Variants in IMMP2L observed in about 807,000 individuals in gnomAD.
IMMP2L encodes inner mitochondrial membrane peptidase subunit 2.
IMMP2L carries 18 observed loss-of-function variants against 19.3 expected under a neutral mutation model. The ratio of observed to expected loss-of-function variants is 0.93; its 90% confidence interval spans 0.64 to 1.38. The LOEUF (loss-of-function observed/expected upper bound fraction) is 1.38, where lower values mean the gene tolerates loss of function less well. Ranked by LOEUF, IMMP2L falls within the 40% of genes most tolerant of loss-of-function variation. IMMP2L has a pLI of 0.00. For synonymous variants in IMMP2L, 76 were observed against 73.0 expected, an observed-to-expected ratio of 1.04 and a Z score of -0.21; for missense variants, 233 against 218.2, an observed-to-expected ratio of 1.07 and a Z score of -0.43.
At chr7:110,947,530 A>G (rs1817383805) in intron 4 of IMMP2L, among the ~76,000 whole-genome samples, 1 of 152,144 alleles carries the variant, frequency 6.6e-6, no homozygotes, top group African/African-American at 2.4e-5. Context: ...ACCAAATTCT[A>G]ATCTGTTCAT....
intron 3 of IMMP2L, among the ~76,000 whole-genome samples, chr7:111,287,734 T>C (rs1186954793): frequency 6.6e-6 from 1 of 152,100 alleles, no homozygotes; most frequent in Non-Finnish European, 1.5e-5. Flanking sequence ...ATAAAAAATG[T>C]ATATAAGTCT....
rs901981496 is a variant in IMMP2L at position 110,877,039 on chromosome 7, A to G, written c.408+9554T>C. On this transcript the variant is annotated intron_variant, in intron 5 of 5. Transcript: ENST00000405709. This position sits in a 1 kb window ranked among gnomAD's most constrained non-coding sequence, Gnocchi z 4.0. Reference sequence around the variant, plus strand: ...ATAAATATTTTAGGATTTGTGGGATATAAGTCTCTCTTGCAAGTACTTAAC... The same window carrying G: ...ATAAATATTTTAGGATTTGTGGGATGTAAGTCTCTCTTGCAAGTACTTAAC... Among the ~76,000 whole-genome samples, 12 of 152,302 alleles carry G rather than the reference A, an allele frequency of 7.9e-5. No individual in the cohort carries two copies. Among genetic ancestry groups the G allele is most frequent in the African/African-American group, 2.6e-4 (11 of 41,588 alleles).
chr7:111,280,775 A>G (rs147778171), intron 3 of IMMP2L, among the ~76,000 whole-genome samples: 1 of 152,184 alleles, frequency 6.6e-6, no homozygotes, highest in Non-Finnish European at 1.5e-5. Flanking sequence ...ACAACAAAGA[A>G]AGGAGTGAAA....
At chr7:111,475,310 C>A (rs1477361328) in intron 3 of IMMP2L, among the ~76,000 whole-genome samples, 1 of 152,092 alleles carries the variant, frequency 6.6e-6, no homozygotes, top group Non-Finnish European at 1.5e-5. Context: ...CTCCAAGGCA[C>A]TGATAAAATT....
rs570182456 is a variant in IMMP2L, at chr7:110,758,761, C to T, written c.409-95040G>A. 6.6e-6 allele frequency among the ~76,000 whole-genome samples: 1 copy of T among 152,048 alleles called. No individual in the cohort carries two copies. The highest frequency in any genetic ancestry group is 6.6e-5 in the Admixed American group (1 of 15,246). On this transcript the variant is annotated intron_variant, in intron 5 of 5. Transcript: ENST00000405709. The surrounding 1 kb of genome is among the most constrained non-coding windows in gnomAD (Gnocchi z 4.6). ...ACAAAAACATCCAACCTTTGTGAGA[C>T]TTAGTTTGCCTTTAATTATAAAACG...
At chr7:111,188,779 T>A (rs1193023963) in intron 3 of IMMP2L, among the ~76,000 whole-genome samples, 2 of 152,124 alleles carry the variant, frequency 1.3e-5, no homozygotes, top group African/African-American at 4.8e-5. Flanking sequence ...CTTGAAAAAC[T>A]TGGTATTACT....
In IMMP2L at chr7:110,803,564, A is replaced by G. The variant is rs1528040; in HGVS notation, c.408+83029T>C. The stretch of plus-strand genomic sequence containing the variant: ...GTCAGTTGACACCACTAGGAGGTCT[A>G]CCACTGAAAGGGGCTGGAAGAATGT... On this transcript the variant is annotated intron_variant, in intron 5 of 5. Coordinates refer to ENST00000405709, the MANE Select transcript of IMMP2L (RefSeq NM_032549.4). This position sits in a 1 kb window ranked among gnomAD's most constrained non-coding sequence, Gnocchi z 4.2. 0.89 allele frequency among the ~76,000 whole-genome samples: 135,462 copies of G among 152,020 alleles called. 60,527 individuals are homozygous for G. The highest frequency in any genetic ancestry group is 0.98 in the East Asian group (5,002 of 5,122).
chr7:111,389,931 C>T (rs1381289516), intron 3 of IMMP2L, among the ~76,000 whole-genome samples: 3 of 152,094 alleles, frequency 2.0e-5, no homozygotes, highest in Non-Finnish European at 4.4e-5. Flanking sequence ...TGTCTAAAAT[C>T]TGTAAAATGT....
rs1020349969 is a variant in IMMP2L at position 110,877,437 on chromosome 7, T to A, written c.408+9156A>T. On this transcript the variant is annotated intron_variant, in intron 5 of 5. Coordinates refer to ENST00000405709, the MANE Select transcript of IMMP2L (RefSeq NM_032549.4). This position sits in a 1 kb window ranked among gnomAD's most constrained non-coding sequence, Gnocchi z 4.0. ...CTTCATGTTAGAGTAGGTCTGGGAG[T>A]AGTCATTGTCCAGATTAAGGTGGGC... Among the ~76,000 whole-genome samples the A allele has an allele frequency of 6.6e-6, 1 of 151,816 alleles. No homozygotes were observed. The highest frequency in any genetic ancestry group is 2.4e-5 in the African/African-American group (1 of 41,300).
At chr7:111,011,174 T>C (rs1824909587) in intron 3 of IMMP2L, among the ~76,000 whole-genome samples, 1 of 152,042 alleles carries the variant, frequency 6.6e-6, no homozygotes, top group Non-Finnish European at 1.5e-5. Context: ...AAATATATGG[T>C]TCTAGTTGCC....
chr7:111,036,611 T>A (rs1324743708), intron 3 of IMMP2L, among the ~76,000 whole-genome samples: 2 of 152,268 alleles, frequency 1.3e-5, no homozygotes, highest in East Asian at 3.9e-4. Context: ...AAAAAAAGTC[T>A]CAAAACTAAA....
At chr7:110,796,175 C>A (rs1181106889) in intron 5 of IMMP2L, among the ~76,000 whole-genome samples, 1 of 152,002 alleles carries the variant, frequency 6.6e-6, no homozygotes, top group Admixed American at 6.6e-5. Context: ...GCCTCCCAGC[C>A]ATGCTAAACT....
intron 3 of IMMP2L, among the ~76,000 whole-genome samples, chr7:111,394,081 T>A (rs1584933011): frequency 6.6e-6 from 1 of 152,302 alleles, no homozygotes; most frequent in East Asian, 1.9e-4. Flanking sequence ...ATATAATTTT[T>A]AAAATATTTT....
At chr7:111,258,517 A>T (rs1405638568) in intron 3 of IMMP2L, among the ~76,000 whole-genome samples, 2 of 151,874 alleles carry the variant, frequency 1.3e-5, no homozygotes, top group African/African-American at 4.8e-5. Context: ...TACTTTTTTT[A>T]TTTTTTTGAA....
At chr7:111,087,456 G>GAAA in intron 3 of IMMP2L, among the ~76,000 whole-genome samples, 1 of 77,934 alleles carries the variant, frequency 1.3e-5, no homozygotes, top group Non-Finnish European at 2.8e-5. Flanking sequence ...CTTAAAAAAA[G>GAAA]AAAAAAAAAA....
At position 111,183,881 on chromosome 7, in the gene IMMP2L, G is replaced by A. The variant is rs1419472724; in HGVS notation, c.240-220316C>T. On this transcript the variant is annotated intron_variant, in intron 3 of 5. Transcript: ENST00000405709. ...TACACTCTGGAATTTAACTGATAAC[G>A]GCTTTTTAAAACCCAGTTGTGCCAG... Among the ~76,000 whole-genome samples the A allele has an allele frequency of 2.6e-5, 4 of 151,992 alleles. No homozygotes were observed. In the East Asian group the frequency reaches 5.8e-4, roughly 22 times the overall value.
At chr7:110,750,192 A>G (rs1797633695) in intron 5 of IMMP2L, among the ~76,000 whole-genome samples, 1 of 152,134 alleles carries the variant, frequency 6.6e-6, no homozygotes, top group Non-Finnish European at 1.5e-5. Flanking sequence ...TACAGCTTCT[A>G]CTCACTGATC....
chr7:111,478,954 C>G (rs1208200513), intron 3 of IMMP2L, among the ~76,000 whole-genome samples: 1 of 152,180 alleles, frequency 6.6e-6, no homozygotes, highest in African/African-American at 2.4e-5. Context: ...GGCAGACCAC[C>G]TTAAAATCAA....
At chr7:111,412,907 AAAT>A (rs1299947071) in intron 3 of IMMP2L, among the ~76,000 whole-genome samples, 1 of 151,744 alleles carries the variant, frequency 6.6e-6, no homozygotes, top group Non-Finnish European at 1.5e-5. Flanking sequence ...AGAAGGGAAG[AAAT>A]AATAACAAGC....
Sources: allele counts gnomAD v4.1 joint callset (sites outside exome capture counted in the v4.1 genomes callset), GRCh38; gene constraint gnomAD v4.1.1; non-coding constraint Gnocchi (gnomAD v3.1); transcripts MANE v1.5; gene names NCBI Gene and HGNC (gene_info 2026-07-23, HGNC 2026-07-21).